DPF1: variants seen among roughly 807,000 people sequenced by gnomAD.
The protein encoded by DPF1 is zinc finger protein neuro-d4.
In DPF1, 14 loss-of-function variants were observed where a neutral mutation model predicts 58.7. The ratio of observed to expected loss-of-function variants is 0.24; its 90% CI spans 0.16 to 0.37. DPF1 has a LOEUF of 0.37. Ranked by LOEUF, DPF1 falls within the 10% of genes least tolerant of loss-of-function variation. The pLI is 1.00. For synonymous variants in DPF1, 216 were observed against 216.0 expected (o/e 1.00, Z 0.00); for missense variants, 345 against 529.9 (o/e 0.65, Z 3.43).
chr19:38,222,886 C>A lies in DPF1; in HGVS notation c.30-178G>T. On this transcript the variant is annotated intron_variant, in intron 1 of 11. Transcript: ENST00000355526. The surrounding 1 kb of genome is among the most constrained non-coding windows in gnomAD (Gnocchi z 4.9). ...CAGGCTGGGGGAAGGGGACAGGGCC[C>A]AGGGGCCCCCAAACTGGGACTCAAA... 1.1e-6 allele frequency: 1 copy of A among 892,962 alleles called. No homozygotes were observed. Among genetic ancestry groups the A allele is most frequent in the Non-Finnish European group, 1.6e-6 (1 of 631,052 alleles). The allele number at this position is 892,962 out of a possible 1,614,324, so 55.3% of individuals were successfully genotyped here. A position where few individuals can be genotyped will look rare whatever the true frequency, so the allele number is the denominator to read the frequency against.
chr19:38,227,325 A>ACCCTGCCCT (rs1029580603), upstream of DPF1, among the ~76,000 whole-genome samples: 11 of 147,174 alleles, frequency 7.5e-5, no homozygotes, highest in Non-Finnish European at 1.5e-4. Flanking sequence ...TGATCTGCCC[A>ACCCTGCCCT]CCCTGCCCTC....
In DPF1 at chr19:38,222,778, C is replaced by A. The variant is rs1600280780; in HGVS notation, c.30-70G>T. 8 of 1,435,834 alleles carry A rather than the reference C, an allele frequency of 5.6e-6. No homozygotes were observed. Among genetic ancestry groups the A allele is most frequent in the Non-Finnish European group, 7.3e-6 (8 of 1,094,474 alleles). 88.9% of individuals were successfully genotyped at this position (1,435,834 alleles called of 1,614,324 possible). On this transcript the variant is annotated intron_variant, in intron 1 of 11. Coordinates refer to ENST00000355526, the MANE Select transcript of DPF1 (RefSeq NM_001135155.3). The surrounding 1 kb of genome is among the most constrained non-coding windows in gnomAD (Gnocchi z 4.9). ...CGCACAGGGTCGCCCAGCACCCCTT[C>A]CCCGGCTGCCGGGCCGCCCAGGCTC... is the stretch of plus-strand genomic sequence containing the variant.
At chr19:38,218,780 T>C in intron 4 of DPF1, 118 bp from the exon 5 acceptor site, 1 of 1,531,600 alleles carries the variant, frequency 6.5e-7, no homozygotes, top group South Asian at 1.2e-5. Context: ...TTCTTCCAAA[T>C]AGAGATGAAG....
At chr19:38,217,672 T>C in intron 6 of DPF1, 81 bp from the exon 7 acceptor site, 2 of 1,536,818 alleles carry the variant, frequency 1.3e-6, no homozygotes, top group South Asian at 2.4e-5. Flanking sequence ...GGATCACACC[T>C]CCCCCCTCAG....
chr19:38,212,237 T>TGGGGGGGGGGGGGGGGGGGGGGGGGG, intron 11 of DPF1, 43 bp downstream of exon 11: 1 of 1,256,806 alleles, frequency 8.0e-7, no homozygotes, highest in Non-Finnish European at 1.1e-6. Flanking sequence ...GGAGATGGCG[T>TGGGGGGGGGGGGGGGGGGGGGGGGGG]TCCCACCCAC....
intron 11 of DPF1, 43 bp downstream of exon 11, chr19:38,212,237 T>TGGGGGGGGGGGGGGCG: frequency 8.0e-7 from 1 of 1,256,806 alleles, no homozygotes; most frequent in Non-Finnish European, 1.1e-6. Context: ...GGAGATGGCG[T>TGGGGGGGGGGGGGGCG]TCCCACCCAC....
intron 9 of DPF1, among the ~76,000 whole-genome samples, chr19:38,214,342 C>T (rs575172838): frequency 1.2e-4 from 19 of 152,358 alleles, no homozygotes; most frequent in South Asian, 2.1e-4. Flanking sequence ...CCCGCAGCCG[C>T]TACCTGCAGC....
Position 38,211,964 on chromosome 19 carries a change from C to A in DPF1, c.*99G>T. ...AGCCCCCTCTCGGCTTCCCCCTCTC[C>A]CCCTCCCCCTGCGGGATGTTCAGGG... On this transcript the variant is annotated 3_prime_UTR_variant, in exon 12 of 12. Coordinates refer to ENST00000355526, the MANE Select transcript of DPF1 (RefSeq NM_001135155.3). This position sits in a 1 kb window ranked among gnomAD's most constrained non-coding sequence, Gnocchi z 4.0. The A allele has an allele frequency of 1.4e-6, 2 of 1,388,576 alleles. No individual in the cohort carries two copies. Among genetic ancestry groups the A allele is most frequent in the East Asian group, 2.4e-5 (1 of 41,198 alleles). The allele number at this position is 1,388,576 out of a possible 1,614,324, so 86.0% of individuals were successfully genotyped here.
rs184234797 is a variant in DPF1, at chr19:38,219,430, A to T, written c.299-372T>A. On this transcript the variant is annotated intron_variant, in intron 3 of 11. Coordinates refer to ENST00000355526, the MANE Select transcript of DPF1 (RefSeq NM_001135155.3). ...AGACACAGGGACACCCGCAGGGGAC[A>T]TCCAGACAGATCGTCTGAGACAGAT... is the stretch of plus-strand genomic sequence containing the variant. The T allele has an allele frequency of 1.2e-4, 24 of 206,836 alleles. No homozygotes were observed. In the Admixed American group the frequency reaches 1.2e-3, roughly 11 times the overall value. 12.8% of individuals were successfully genotyped at this position (206,836 alleles called of 1,614,324 possible). A position where few individuals can be genotyped will look rare whatever the true frequency, so the allele number is the denominator to read the frequency against.
At position 38,212,110 on chromosome 19, in the gene DPF1, G is replaced by T; in HGVS notation, c.1117C>A (p.Leu373Ile). The T allele has an allele frequency of 6.2e-7, 1 of 1,611,732 alleles. No homozygotes were observed. The highest frequency in any genetic ancestry group is 1.7e-5 in the Admixed American group (1 of 59,826). Residue 373 changes from leucine (L) to isoleucine (I), a missense_variant, in exon 12 of 12, where the codon CTC becomes ATC. Transcript: ENST00000355526. ...PEGSWSCHLCLRHLKEKASAY... is the reference protein window; with the variant it reads ...PEGSWSCHLCIRHLKEKASAY... The stretch of plus-strand genomic sequence containing the variant: ...GAAGCCTTTTCCTTCAGGTGCCGGA[G>T]ACAGAGGTGACAGCTCCAGCTCCCT...
Position 38,222,343 on chromosome 19 carries a change from G to A in DPF1, c.298+14C>T. 1.3e-6 allele frequency: 2 copies of A among 1,585,460 alleles called. No homozygotes were observed. The highest frequency in any genetic ancestry group is 1.7e-6 in the Non-Finnish European group (2 of 1,172,078). On this transcript the variant is annotated intron_variant, in intron 3 of 11. Transcript: ENST00000355526. This position sits in a 1 kb window ranked among gnomAD's most constrained non-coding sequence, Gnocchi z 4.9. ...CGCTGGGACACCGATGGGGGCCCCA[G>A]CGGCTGCACCCACCGATCTTGTACT...
intron 5 of DPF1, among the ~76,000 whole-genome samples, chr19:38,218,079 G>C (rs1214904715): frequency 6.6e-6 from 1 of 152,166 alleles, no homozygotes; most frequent in Non-Finnish European, 1.5e-5. Context: ...GCGCGTGCCT[G>C]TAGTCCCAGC....
At chr19:38,221,253 G>A (rs796787083) in intron 3 of DPF1, among the ~76,000 whole-genome samples, 16 of 152,272 alleles carry the variant, frequency 1.1e-4, no homozygotes, top group African/African-American at 3.9e-4. Flanking sequence ...AATACAGGCA[G>A]ATGGCCGGGC....
chr19:38,217,949 A>C, intron 5 of DPF1, 73 bp from the exon 6 acceptor site: 4 of 1,513,018 alleles, frequency 2.6e-6, no homozygotes, highest in Non-Finnish European at 3.7e-6. Context: ...CACACCTGTA[A>C]TCCCAGCACT....
chr19:38,228,575 C>A (rs1479638222), upstream of DPF1: 4 of 108,660 alleles, frequency 3.7e-5, no homozygotes, highest in Non-Finnish European at 5.9e-5. Flanking sequence ...CGCTCGCCTG[C>A]GGGGAGGGAG....
chr19:38,224,326 G>GC (rs1259056038), upstream of DPF1: 33 of 1,243,404 alleles, frequency 2.7e-5, no homozygotes, highest in East Asian at 1.0e-3. The surrounding 1 kb of genome is among the most constrained non-coding windows in gnomAD (Gnocchi z 4.5). Flanking sequence ...AGGCCAGGGG[G>GC]CCCCCGGGAC....
rs1330018154 is a variant in DPF1 at position 38,217,551 on chromosome 19, G to A, written c.636C>T (p.Tyr212=). ...CGGCCAGGTGGGTGTGGGTGTAGTG[G>A]TAGCTGAGCCCCGGCCGGTTCTTAT... ...KRYKNRPGLS[Y]HYTHTHLAEE... Residue 212 remains tyrosine (Y), a synonymous_variant, in exon 7 of 12, where the codon TAC becomes TAT. Transcript: ENST00000355526. 14 of 1,551,386 alleles carry A rather than the reference G, an allele frequency of 9.0e-6. No individual in the cohort carries two copies. The highest frequency in any genetic ancestry group is 2.4e-5 in the South Asian group (2 of 84,058).
chr19:38,214,640 G>A (rs1327591460), intron 9 of DPF1, among the ~76,000 whole-genome samples: 1 of 152,026 alleles, frequency 6.6e-6, no homozygotes, highest in Non-Finnish European at 1.5e-5. Context: ...GCCATGCCTT[G>A]GCCCCTGTCT....
chr19:38,227,182 G>A (rs1358556966), upstream of DPF1, among the ~76,000 whole-genome samples: 4 of 150,788 alleles, frequency 2.7e-5, no homozygotes, highest in South Asian at 2.1e-4. Context: ...AGGCTCAAGC[G>A]ATCCTCCCAC....
Sources: gnomAD v4.1 joint callset for allele counts (sites outside exome capture counted in the v4.1 genomes callset) on GRCh38, gnomAD v4.1.1 for gene constraint, Gnocchi (gnomAD v3.1) non-coding constraint, MANE v1.5 for transcripts, NCBI Gene and HGNC (gene_info 2026-07-23, HGNC 2026-07-21) for gene names.